Variants in AFG3L2 observed in about 807,000 individuals in gnomAD.
AFG3L2 encodes the protein AFG3 like matrix AAA peptidase subunit 2, also known as mitochondrial inner membrane m-AAA protease component AFG3L2.
In AFG3L2, 54 loss-of-function variants were observed where a neutral mutation model predicts 94.5. The ratio of observed to expected loss-of-function variants is 0.57; its 90% CI spans 0.46 to 0.72. The LOEUF (loss-of-function observed/expected upper bound fraction) is 0.72. Ranked by LOEUF, AFG3L2 falls within the 30% of genes least tolerant of loss-of-function variation. The pLI, the probability that AFG3L2 is intolerant of heterozygous loss-of-function variation, is 0.00. For missense variants in AFG3L2, 754 were observed against 994.9 expected (o/e 0.76, Z 3.26); for synonymous variants, 377 against 365.5 (o/e 1.03, Z -0.36).
chr18:12,330,017 CAATG>C lies in AFG3L2; in HGVS notation c.2176-238_2176-235del, dbSNP rs556863285. Among the ~76,000 whole-genome samples the C allele has an allele frequency of 3.9e-3, 597 of 152,334 alleles. 8 individuals are homozygous for C. Among genetic ancestry groups the C allele is most frequent in the African/African-American group, 0.014 (570 of 41,578 alleles). Reference sequence around the variant, plus strand: ...CTAGACATATTTCCACACATCTGCACAATGAATGCTGACCATCTATAATGAGGAG... The same window carrying C: ...CTAGACATATTTCCACACATCTGCACAATGCTGACCATCTATAATGAGGAG... On this transcript the variant is annotated intron_variant, in intron 16 of 16. Transcript: ENST00000269143.
At chr18:12,354,203 C>A (rs78791417) in intron 9 of AFG3L2, among the ~76,000 whole-genome samples, 5,385 of 143,410 alleles carry the variant, frequency 0.038, 120 homozygotes, top group Non-Finnish European at 0.057. Flanking sequence ...TTCATTCCTA[C>A]ACTGCTCTGA....
At chr18:12,336,571 T>C (rs1907749247) in intron 16 of AFG3L2, among the ~76,000 whole-genome samples, 1 of 152,242 alleles carries the variant, frequency 6.6e-6, no homozygotes, top group Non-Finnish European at 1.5e-5. Flanking sequence ...CAGCTCTGCA[T>C]GAATTAAGCT....
intron 16 of AFG3L2, among the ~76,000 whole-genome samples, chr18:12,334,970 C>A (rs918729824): frequency 6.6e-6 from 1 of 152,150 alleles, no homozygotes; most frequent in Non-Finnish European, 1.5e-5. Flanking sequence ...ATCTCGGGAC[C>A]CTAAACGCAT....
chr18:12,361,175 C>A (rs1052434398), intron 6 of AFG3L2, among the ~76,000 whole-genome samples: 2 of 152,070 alleles, frequency 1.3e-5, no homozygotes, highest in Non-Finnish European at 2.9e-5. Context: ...TTTGAGACCC[C>A]CCTGGCCACC....
intron 3 of AFG3L2, 132 bp from the exon 4 acceptor site, chr18:12,367,514 A>G (rs1908845117): frequency 1.2e-6 from 1 of 829,660 alleles, no homozygotes; most frequent in Non-Finnish European, 2.0e-6. Context: ...TACTAAGTGA[A>G]GCACTATGAG....
At chr18:12,367,836 G>T (rs1406433577) in intron 3 of AFG3L2, among the ~76,000 whole-genome samples, 1 of 152,082 alleles carries the variant, frequency 6.6e-6, no homozygotes, top group Non-Finnish European at 1.5e-5. Flanking sequence ...AGAATCCCTT[G>T]AGCCCAGGAG....
chr18:12,333,032 A>ATTATAT (rs1568132018), intron 16 of AFG3L2, among the ~76,000 whole-genome samples: 3 of 65,110 alleles, frequency 4.6e-5, no homozygotes, highest in African/African-American at 1.4e-4. Context: ...TAATATATAA[A>ATTATAT]AATATATAAT....
In AFG3L2 at chr18:12,353,102, A is replaced by G. The variant is rs1908371506; in HGVS notation, c.1221T>C (p.Asp407=). 6.2e-7 allele frequency: 1 copy of G among 1,614,210 alleles called. No homozygotes were observed. The highest frequency in any genetic ancestry group is 8.5e-7 in the Non-Finnish European group (1 of 1,180,048). The change falls in exon 10 of 17, where the codon GAT becomes GAC. Residue 407 remains aspartate, a synonymous_variant. Coordinates refer to ENST00000269143, the MANE Select transcript of AFG3L2 (RefSeq NM_006796.3). ...RKNAPCILFI[D]EIDAVGRKRG... is the part of the protein sequence containing the mutation. ...TCTTCCTTCCCACCGCATCGATTTC[A>G]TCGATGAAGAGGATGCAAGGGGCAT...
chr18:12,363,668 T>A (rs547567895), intron 6 of AFG3L2, 114 bp downstream of exon 6: 1 of 832,508 alleles, frequency 1.2e-6, no homozygotes, highest in East Asian at 2.4e-5. Flanking sequence ...ACTGCCCAGT[T>A]CTGATATATC....
intron 1 of AFG3L2, among the ~76,000 whole-genome samples, chr18:12,375,462 T>C (rs1268927520): frequency 6.7e-6 from 1 of 150,328 alleles, no homozygotes; most frequent in Non-Finnish European, 1.5e-5. Flanking sequence ...GGCTCAGGTC[T>C]GTAATTCCAA....
In AFG3L2 at chr18:12,333,120, T is replaced by G. The variant is rs1219929218; in HGVS notation, c.2176-3337A>C. 5.6e-5 allele frequency among the ~76,000 whole-genome samples: 4 copies of G among 70,916 alleles called. No homozygotes were observed. In the East Asian group the frequency reaches 1.3e-3, roughly 23 times the overall value. The allele number at this position is 70,916 out of a possible 152,430, so 46.5% of individuals were successfully genotyped here. On this transcript the variant is annotated intron_variant, in intron 16 of 16. Coordinates refer to ENST00000269143, the MANE Select transcript of AFG3L2 (RefSeq NM_006796.3). ...AATCTATTATATAACTATTATATAATAGATTATATATATAATATATATAAT... is the reference window on the plus strand; with the variant it reads ...AATCTATTATATAACTATTATATAAGAGATTATATATATAATATATATAAT...
chr18:12,373,375 C>T (rs1037813342), intron 1 of AFG3L2, among the ~76,000 whole-genome samples: 2 of 152,092 alleles, frequency 1.3e-5, no homozygotes, highest in Non-Finnish European at 2.9e-5. Context: ...GTGGGGTGTC[C>T]GAAGGGGAAT....
intron 15 of AFG3L2, among the ~76,000 whole-genome samples, chr18:12,338,407 G>A (rs1907824213): frequency 6.6e-6 from 1 of 152,172 alleles, no homozygotes; most frequent in Admixed American, 6.5e-5. Context: ...CGTTCACTGA[G>A]TCCATGGGGC....
Position 12,328,969 on chromosome 18 carries a change from CATTTT to C in AFG3L2, c.*591_*595del, listed in dbSNP as rs1408004618. 3 of 573,316 alleles carry C rather than the reference CATTTT, an allele frequency of 5.2e-6. No homozygotes were observed. Among genetic ancestry groups the C allele is most frequent in the Middle Eastern group, 4.6e-4 (1 of 2,194 alleles). 35.5% of individuals were successfully genotyped at this position (573,316 alleles called of 1,614,324 possible). On this transcript the variant is annotated 3_prime_UTR_variant, in exon 17 of 17. Transcript: ENST00000269143. ...TGTGTTCAGAAAAGTACAGTGTTGA[CATTTT>C]ATTTTTTATGTAAAGAAGCCATATT... is the stretch of plus-strand genomic sequence containing the variant.
intron 16 of AFG3L2, among the ~76,000 whole-genome samples, chr18:12,333,058 T>TA (rs1197033382): frequency 1.5e-4 from 1 of 6,704 alleles, no homozygotes; most frequent in African/African-American, 2.2e-4. Flanking sequence ...ATATAATAGA[T>TA]TATAATCTAT....
At position 12,353,092 on chromosome 18, in the gene AFG3L2, C is replaced by T; in HGVS notation, c.1231G>A (p.Ala411Thr). 6.2e-7 allele frequency: 1 copy of T among 1,614,208 alleles called. No individual in the cohort carries two copies. Among genetic ancestry groups the T allele is most frequent in the Non-Finnish European group, 8.5e-7 (1 of 1,180,038 alleles). ...PCILFIDEID[A>T]VGRKRGRGNF... ...CCTCTTCCTCTCTTCCTTCCCACCGCATCGATTTCATCGATGAAGAGGATG... is the reference window on the plus strand; with the variant it reads ...CCTCTTCCTCTCTTCCTTCCCACCGTATCGATTTCATCGATGAAGAGGATG... Residue 411 changes from alanine (A) to threonine (T), a missense_variant, in exon 10 of 17, where the codon GCG (alanine) becomes ACG (threonine). Ala to Thr is a moderately conservative substitution (Grantham distance 58). Coordinates refer to ENST00000269143, the MANE Select transcript of AFG3L2 (RefSeq NM_006796.3).
At chr18:12,368,064 G>C (rs1221751092) in intron 3 of AFG3L2, among the ~76,000 whole-genome samples, 2 of 152,132 alleles carry the variant, frequency 1.3e-5, no homozygotes, top group Non-Finnish European at 2.9e-5. Flanking sequence ...CTACTAGGGA[G>C]GCTGAGGCAG....
chr18:12,329,301 T>C lies in AFG3L2; in HGVS notation c.*264A>G, dbSNP rs1907435822. ...CCACAGGGTCCAGCCTCGGCCACTC[T>C]GGGCTCAACCTTTCCAGCACGTCTG... On this transcript the variant is annotated 3_prime_UTR_variant, in exon 17 of 17. Transcript: ENST00000269143. The C allele has an allele frequency of 1.5e-6, 1 of 689,170 alleles. No homozygotes were observed. The allele number at this position is 689,170 out of a possible 1,614,324, so 42.7% of individuals were successfully genotyped here.
rs377330977 is a variant in AFG3L2 at position 12,368,086 on chromosome 18, C to G, written c.293-704G>C. Among the ~76,000 whole-genome samples the G allele has an allele frequency of 1.1e-3, 174 of 151,884 alleles. 1 individual carries two copies. The highest frequency in any genetic ancestry group is 4.1e-3 in the African/African-American group (168 of 41,420). On this transcript the variant is annotated intron_variant, in intron 3 of 16. Coordinates refer to ENST00000269143, the MANE Select transcript of AFG3L2 (RefSeq NM_006796.3). ...GGAGGCTGAGGCAGGAGAATCGCTT[C>G]AACCTGGGAGGCGGAAGTTGTGGTG... is the stretch of plus-strand genomic sequence containing the variant.
Sources: allele counts gnomAD v4.1 joint callset (sites outside exome capture counted in the v4.1 genomes callset), GRCh38; gene constraint gnomAD v4.1.1; transcripts MANE v1.5; gene names NCBI Gene and HGNC (gene_info 2026-07-23, HGNC 2026-07-21).